The following GDI2 variants were observed in gnomAD, a reference collection of about 807,000 sequenced individuals.
GDI2 encodes GDP dissociation inhibitor 2.
GDI2 carries 22 observed loss-of-function variants against 54.2 expected under a neutral mutation model. The observed-to-expected ratio is 0.41, with a 90% CI of 0.29 to 0.58. The LOEUF (loss-of-function observed/expected upper bound fraction) is 0.58. Ranked by LOEUF, GDI2 falls within the 20% of genes least tolerant of loss-of-function variation. GDI2 has a pLI of 0.35. For synonymous variants in GDI2, 177 were observed against 182.1 expected (o/e 0.97, Z 0.23); for missense variants, 422 against 546.0 (o/e 0.77, Z 2.26).
chr10:5,785,774 A>T, intron 5 of GDI2, 78 bp downstream of exon 5: 2 of 880,422 alleles, frequency 2.3e-6, no homozygotes, highest in Non-Finnish European at 3.7e-6. Context: ...TTGTTTTGTT[A>T]GAATTTCCAC....
At chr10:5,801,540 G>A (rs1375545625) in intron 1 of GDI2, among the ~76,000 whole-genome samples, 1 of 152,066 alleles carries the variant, frequency 6.6e-6, no homozygotes, top group East Asian at 1.9e-4. Context: ...GCCGGGCATG[G>A]TGGCACATGC....
intron 1 of GDI2, among the ~76,000 whole-genome samples, chr10:5,812,513 A>G (rs569040440): frequency 1.3e-5 from 2 of 152,214 alleles, no homozygotes; most frequent in Non-Finnish European, 2.9e-5. Context: ...AAGGCGGCGA[A>G]GGTCAGGTGC....
At chr10:5,769,003 A>C (rs921116500) in intron 7 of GDI2, 2 of 152,210 alleles carry the variant, frequency 1.3e-5, no homozygotes, top group African/African-American at 4.8e-5. Context: ...AATCTTGTGC[A>C]TAGCCAGGCA....
At chr10:5,772,639 T>C (rs1840516150) in intron 7 of GDI2, among the ~76,000 whole-genome samples, 1 of 151,932 alleles carries the variant, frequency 6.6e-6, no homozygotes, top group Admixed American at 6.6e-5. Context: ...CATCTGTAAT[T>C]CCAGCTACTC....
chr10:5,785,859 T>A lies in GDI2; in HGVS notation c.580A>T (p.Thr194Ser). Residue 194 changes from threonine to serine, a missense_variant, in exon 5 of 11, where the codon ACT becomes TCT. Transcript: ENST00000380191. ...FTGHALALYR[T>S]DDYLDQPCYE... The stretch of plus-strand genomic sequence containing the variant: ...AAAAACCAAAATACTTACTCATCAG[T>A]TCTGTAAAGTGCAAGAGCATGACCA... 2 of 1,587,554 alleles carry A rather than the reference T, an allele frequency of 1.3e-6. No homozygotes were observed. Among genetic ancestry groups the A allele is most frequent in the Non-Finnish European group, 8.6e-7 (1 of 1,156,766 alleles).
rs1258985471 is a variant in GDI2, at chr10:5,794,185, AAAAATAT to A, written c.388+693_388+699del. Among the ~76,000 whole-genome samples, 406 of 46,648 alleles carry A rather than the reference AAAAATAT, an allele frequency of 8.7e-3. 1 individual carries two copies. Among genetic ancestry groups the A allele is most frequent in the Non-Finnish European group, 0.012 (310 of 25,004 alleles). 30.6% of individuals were successfully genotyped at this position (46,648 alleles called of 152,430 possible). A position where few individuals can be genotyped will look rare whatever the true frequency, so the allele number is the denominator to read the frequency against. On this transcript the variant is annotated intron_variant, in intron 4 of 10. Transcript: ENST00000380191. ...CTGTCTTTAAAAGAAAAAAAAAAAA[AAAAATAT>A]ATATATATATATATATATATATATA...
chr10:5,766,474 T>G lies in GDI2; in HGVS notation c.1136+20A>C. On this transcript the variant is annotated intron_variant, in intron 9 of 10. Transcript: ENST00000380191. The surrounding 1 kb of genome is among the most constrained non-coding windows in gnomAD (Gnocchi z 5.8). ...AGGCCTCAGTTTGCATCTCGGCAGA[T>G]ATAAAAGAACACAACTCACTTCTGT... The G allele has an allele frequency of 6.2e-7, 1 of 1,612,460 alleles. No homozygotes were observed. The highest frequency in any genetic ancestry group is 8.5e-7 in the Non-Finnish European group (1 of 1,179,540).
chr10:5,800,663 C>T lies in GDI2; in HGVS notation c.88G>A (p.Val30Ile), dbSNP rs752282460. 7.5e-6 allele frequency: 12 copies of T among 1,599,548 alleles called. No homozygotes were observed. Among genetic ancestry groups the T allele is most frequent in the South Asian group, 3.3e-5 (3 of 90,840 alleles). ...SGIMSVNGKK[V>I]LHMDRNPYYG... ...TAAGGGTTTCGATCCATATGAAGAA[C>T]TTTCTTGCCATTCACTGACATTATA... The change falls in exon 2 of 11, where the codon GTT (valine) becomes ATT (isoleucine). Residue 30 changes from valine to isoleucine, a missense_variant. Coordinates refer to ENST00000380191, the MANE Select transcript of GDI2 (RefSeq NM_001494.4).
chr10:5,767,493 G>A (rs1840377434), intron 8 of GDI2, among the ~76,000 whole-genome samples: 1 of 151,938 alleles, frequency 6.6e-6, no homozygotes, highest in African/African-American at 2.4e-5. Flanking sequence ...TTGTTTGTTT[G>A]TTTTTTGTTT....
chr10:5,794,189 ATATATATATATAT>A (rs1221814211), intron 4 of GDI2, among the ~76,000 whole-genome samples: 2,636 of 33,876 alleles, frequency 0.078, 257 homozygotes, highest in Non-Finnish European at 0.099. Flanking sequence ...AAAAAAAAAA[ATATATATATATAT>A]ATATATATAT....
intron 2 of GDI2, among the ~76,000 whole-genome samples, chr10:5,798,400 C>T (rs1235570736): frequency 1.3e-5 from 2 of 150,812 alleles, no homozygotes; most frequent in Non-Finnish European, 3.0e-5. Flanking sequence ...CCAGCCTGAT[C>T]AACATGGTGA....
chr10:5,782,956 A>G (rs536799068), intron 6 of GDI2, among the ~76,000 whole-genome samples: 1 of 152,340 alleles, frequency 6.6e-6, no homozygotes, highest in East Asian at 1.9e-4. Context: ...TTACTGACAC[A>G]TGCATCAATA....
intron 6 of GDI2, among the ~76,000 whole-genome samples, chr10:5,781,508 C>T (rs1588973274): frequency 6.6e-6 from 1 of 151,814 alleles, no homozygotes; most frequent in East Asian, 1.9e-4. Context: ...GCCTGTAGTC[C>T]CAGCTACTCA....
intron 1 of GDI2, among the ~76,000 whole-genome samples, chr10:5,811,221 A>G (rs1841474844): frequency 6.6e-6 from 1 of 152,220 alleles, no homozygotes; most frequent in Non-Finnish European, 1.5e-5. Context: ...CTGAATTGAT[A>G]TAATTATCAA....
In GDI2 at chr10:5,765,579, TC is replaced by T. The variant is rs1048850303; in HGVS notation, c.*426del. The T allele has an allele frequency of 5.2e-5, 8 of 154,518 alleles. No homozygotes were observed. The highest frequency in any genetic ancestry group is 1.9e-4 in the African/African-American group (8 of 41,642). 9.6% of individuals were successfully genotyped at this position (154,518 alleles called of 1,614,324 possible). On this transcript the variant is annotated 3_prime_UTR_variant, in exon 11 of 11. Transcript: ENST00000380191. ...AAAATATAAAGTCATAGGGAAAACT[TC>T]CGGATGCTGTCCCAAACCGTGGAAT...
Position 5,795,022 on chromosome 10 carries a change from A to ATGT in GDI2, c.254-4_254-3insACA. 6.4e-7 allele frequency: 1 copy of ATGT among 1,564,758 alleles called. No homozygotes were observed. The highest frequency in any genetic ancestry group is 8.8e-7 in the Non-Finnish European group (1 of 1,137,264). ...AAGCAGCATCTTAACCAGCTGACCT[A>ATGT]GAAAAGTCACATAATTCAAACTATA... On this transcript the variant is annotated splice_polypyrimidine_tract_variant and splice_region_variant and intron_variant, in intron 3 of 10. Coordinates refer to ENST00000380191, the MANE Select transcript of GDI2 (RefSeq NM_001494.4).
chr10:5,777,051 G>A (rs1355667258), intron 6 of GDI2, among the ~76,000 whole-genome samples: 3 of 152,160 alleles, frequency 2.0e-5, no homozygotes, highest in Non-Finnish European at 1.5e-5. Context: ...TCACTGACTC[G>A]AGCTAATGAT....
In GDI2 at chr10:5,776,906, AAC is replaced by A; in HGVS notation, c.720-2967_720-2966del. 1.2e-6 allele frequency: 1 copy of A among 805,194 alleles called. No homozygotes were observed. The highest frequency in any genetic ancestry group is 1.9e-6 in the Non-Finnish European group (1 of 517,966). The allele number at this position is 805,194 out of a possible 1,614,324, so 49.9% of individuals were successfully genotyped here. A position where few individuals can be genotyped will look rare whatever the true frequency, so the allele number is the denominator to read the frequency against. ...AGGGGAGAAGAGGAAATAATGCGAAAACAGTTAATCCAGCAAAAAAATTAAAA... is the reference window on the plus strand; with the variant it reads ...AGGGGAGAAGAGGAAATAATGCGAAAAGTTAATCCAGCAAAAAAATTAAAA... On this transcript the variant is annotated intron_variant, in intron 6 of 10. Transcript: ENST00000380191. The surrounding 1 kb of genome is among the most constrained non-coding windows in gnomAD (Gnocchi z 5.3).
intron 1 of GDI2, among the ~76,000 whole-genome samples, chr10:5,808,697 TAAAAAAAA>T (rs56672226): frequency 1.2e-5 from 1 of 86,230 alleles, no homozygotes; most frequent in Non-Finnish European, 2.3e-5. Flanking sequence ...TTGTTGTTAT[TAAAAAAAA>T]AAAAAAAAAA....
Sources: allele counts gnomAD v4.1 joint callset (sites outside exome capture counted in the v4.1 genomes callset), GRCh38; gene constraint gnomAD v4.1.1; non-coding constraint Gnocchi (gnomAD v3.1); transcripts MANE v1.5; gene names NCBI Gene and HGNC (gene_info 2026-07-23, HGNC 2026-07-21).